The following INPPL1 variants were observed in gnomAD, a reference collection of about 807,000 sequenced individuals.
The protein encoded by INPPL1 is phosphatidylinositol 3,4,5-trisphosphate 5-phosphatase 2.
Under a neutral mutation model 139.3 loss-of-function variants are expected in INPPL1, and 91 were observed. The ratio of observed to expected loss-of-function variants is 0.65; its 90% CI spans 0.55 to 0.78. INPPL1 has a LOEUF of 0.78. INPPL1 is among the 30% of genes least tolerant of loss of function. The probability of loss-of-function intolerance (pLI) is 0.00; values close to 1 mark genes in which losing one functional copy is unlikely to be tolerated. For missense variants in INPPL1, 1,411 were observed against 1,665.6 expected, an observed-to-expected ratio of 0.85 and a Z score of 2.66; for synonymous variants, 719 against 686.6, an observed-to-expected ratio of 1.05 and a Z score of -0.74.
In INPPL1 at chr11:72,238,036, C is replaced by A; in HGVS notation, c.3553-6C>A. On this transcript the variant is annotated splice_region_variant and splice_polypyrimidine_tract_variant and intron_variant, in intron 26 of 27. Transcript: ENST00000298229. Reference sequence around the variant, plus strand: ...CAGCTCCCCCTGACATGCCCTGTTTCCTTAGGCTCCGTGCCTGCAGGGCGG... The same window carrying A: ...CAGCTCCCCCTGACATGCCCTGTTTACTTAGGCTCCGTGCCTGCAGGGCGG... The A allele has an allele frequency of 1.3e-6, 2 of 1,537,524 alleles. No homozygotes were observed. The highest frequency in any genetic ancestry group is 1.7e-6 in the Non-Finnish European group (2 of 1,144,356).
intron 1 of INPPL1, among the ~76,000 whole-genome samples, chr11:72,226,536 G>T (rs1948679398): frequency 6.6e-6 from 1 of 152,130 alleles, no homozygotes; most frequent in Non-Finnish European, 1.5e-5. Context: ...CTAGTGGGTA[G>T]AAGCCGGGGA....
intron 26 of INPPL1, 23 bp from the exon 27 acceptor site, chr11:72,238,019 C>G (rs777820912): frequency 1.3e-6 from 2 of 1,520,710 alleles, no homozygotes; most frequent in Non-Finnish European, 1.8e-6. Flanking sequence ...CTCAGCTCCC[C>G]CTGACATGCC....
rs567659192 is a variant in INPPL1 at position 72,235,359 on chromosome 11, T to A, written c.2567T>A (p.Leu856Gln). The change falls in exon 23 of 28, where the codon CTA becomes CAA. Residue 856 changes from leucine (L) to glutamine (Q), a missense_variant. Coordinates refer to ENST00000298229, the MANE Select transcript of INPPL1 (RefSeq NM_001567.4). The surrounding 1 kb of genome is among the most constrained non-coding windows in gnomAD (Gnocchi z 4.9). ...ACGGCCCAACAGTTCCTGACCTTCC[T>A]ATCCCACCGTGGCGAGGAGACAGGC... Reference protein sequence around the residue: ...GSTAQQFLTFLSHRGEETGNI... With the variant: ...GSTAQQFLTFQSHRGEETGNI... 6.2e-7 allele frequency: 1 copy of A among 1,614,078 alleles called. No individual in the cohort carries two copies. Among genetic ancestry groups the A allele is most frequent in the East Asian group, 2.2e-5 (1 of 44,880 alleles).
chr11:72,237,707 C>A lies in INPPL1; in HGVS notation c.3463C>A (p.Pro1155Thr). ...CCCAGGCCCCCTGGAGCTGCAGCCC[C>A]CCCGGGGACTGCCCTCGGACTATGG... ...LLPGPLELQP[P>T]RGLPSDYGRP... The change falls in exon 26 of 28, where the codon CCC (proline) becomes ACC (threonine). Residue 1155 changes from proline to threonine, a missense_variant. Transcript: ENST00000298229. 1 of 1,611,752 alleles carries A rather than the reference C, an allele frequency of 6.2e-7. No homozygotes were observed. The highest frequency in any genetic ancestry group is 1.7e-5 in the Admixed American group (1 of 59,860).
At position 72,228,867 on chromosome 11, in the gene INPPL1, C is replaced by T. The variant is rs772728657; in HGVS notation, c.518+20C>T. On this transcript the variant is annotated intron_variant, in intron 4 of 27. Coordinates refer to ENST00000298229, the MANE Select transcript of INPPL1 (RefSeq NM_001567.4). This position sits in a 1 kb window ranked among gnomAD's most constrained non-coding sequence, Gnocchi z 5.0. ...TGAGAGGTGAGACCCCCATCCCATC[C>T]ACTGAACAGGAGACCCTTTCTCCTC... 7 of 1,568,430 alleles carry T rather than the reference C, an allele frequency of 4.5e-6. No homozygotes were observed. Among genetic ancestry groups the T allele is most frequent in the African/African-American group, 1.4e-5 (1 of 73,302 alleles).
chr11:72,235,469 A>G lies in INPPL1; in HGVS notation c.2659+18A>G. On this transcript the variant is annotated intron_variant, in intron 23 of 27. Coordinates refer to ENST00000298229, the MANE Select transcript of INPPL1 (RefSeq NM_001567.4). The surrounding 1 kb of genome is among the most constrained non-coding windows in gnomAD (Gnocchi z 4.9). ...GCTCTACGGTGGGGACTCCACTGGG[A>G]CATGAGATAGGGTGGTGTGAACAGA... The G allele has an allele frequency of 4.3e-6, 7 of 1,609,378 alleles. No homozygotes were observed. The highest frequency in any genetic ancestry group is 5.9e-6 in the Non-Finnish European group (7 of 1,179,148).
At chr11:72,232,820 A>G (rs889380021) in intron 15 of INPPL1, 55 bp from the exon 16 acceptor site, 1 of 1,612,180 alleles carries the variant, frequency 6.2e-7, no homozygotes, top group African/African-American at 1.3e-5. Flanking sequence ...ATGGGCTATC[A>G]CCCCTGGCTC....
intron 14 of INPPL1, 127 bp from the exon 15 acceptor site, chr11:72,232,499 T>C: frequency 3.0e-6 from 4 of 1,320,948 alleles, no homozygotes; most frequent in Non-Finnish European, 4.2e-6. Flanking sequence ...ACCCTAACCT[T>C]GTCCCCAGGG....
In INPPL1 at chr11:72,229,901, C is replaced by T. The variant is rs199821926; in HGVS notation, c.844-23C>T. 63 of 1,610,228 alleles carry T rather than the reference C, an allele frequency of 3.9e-5. No individual in the cohort carries two copies. In the East Asian group the frequency reaches 6.7e-4, roughly 17 times the overall value. On this transcript the variant is annotated intron_variant, in intron 7 of 27. Transcript: ENST00000298229. The stretch of plus-strand genomic sequence containing the variant: ...CAGCCTTCAGTGTGTCCCCTGACCC[C>T]GCCCTGCCCTTGTTCCCTCCAGGCC...
chr11:72,226,666 A>T (rs1442235769), intron 1 of INPPL1, among the ~76,000 whole-genome samples: 1 of 152,220 alleles, frequency 6.6e-6, no homozygotes, highest in Non-Finnish European at 1.5e-5. Flanking sequence ...CCAACAAGGA[A>T]GGGGCCCTAT....
chr11:72,231,699 A>G, intron 13 of INPPL1, 84 bp downstream of exon 13: 1 of 961,452 alleles, frequency 1.0e-6, no homozygotes, highest in Admixed American at 1.8e-5. Flanking sequence ...GGATTGCCCC[A>G]TTTTTGGTGA....
chr11:72,233,328 G>A, intron 17 of INPPL1, 113 bp from the exon 18 acceptor site: 2 of 1,076,206 alleles, frequency 1.9e-6, no homozygotes, highest in Non-Finnish European at 2.8e-6. Flanking sequence ...AGGGAGGTGG[G>A]TGCTAGGGCC....
chr11:72,233,136 T>A lies in INPPL1; in HGVS notation c.2013T>A (p.Tyr671Ter). Residue 671 changes from tyrosine (Y) to a stop codon, truncating the protein, a stop_gained, in exon 17 of 28, where the codon TAT becomes TAA. Coordinates refer to ENST00000298229, the MANE Select transcript of INPPL1 (RefSeq NM_001567.4). LOFTEE classifies it high-confidence loss of function. ...ATGAGCGGGGTTCCCGGGACACATA[T>A]GCCTGGCACAAGCAGAAGCCAACTG... is the stretch of plus-strand genomic sequence containing the variant. ...YRYERGSRDT[Y>*]AWHKQKPTGV... The A allele has an allele frequency of 6.2e-7, 1 of 1,613,988 alleles. No individual in the cohort carries two copies. The highest frequency in any genetic ancestry group is 8.5e-7 in the Non-Finnish European group (1 of 1,179,974).
Position 72,235,848 on chromosome 11 carries a change from C to G in INPPL1, c.2741C>G (p.Ser914Ter). 1 of 1,612,222 alleles carries G rather than the reference C, an allele frequency of 6.2e-7. No individual in the cohort carries two copies. Among genetic ancestry groups the G allele is most frequent in the Non-Finnish European group, 8.5e-7 (1 of 1,179,202 alleles). Residue 914 changes from serine (S) to a stop codon, truncating the protein, a stop_gained and splice_region_variant, in exon 25 of 28, where the codon TCA becomes TGA. Transcript: ENST00000298229. LOFTEE classifies it high-confidence loss of function. This position sits in a 1 kb window ranked among gnomAD's most constrained non-coding sequence, Gnocchi z 4.9. The stretch of plus-strand genomic sequence containing the variant: ...TCTCTCCTGTGCATCCCTGGCAGGT[C>G]AGGGAGCCGCAAGCCAGCCTTCACA... ...SVSRGSQEPR[S>*]GSRKPAFTEA...
Position 72,234,518 on chromosome 11 carries a change from C to T in INPPL1, c.2327-9C>T. 2 of 1,603,908 alleles carry T rather than the reference C, an allele frequency of 1.2e-6. No homozygotes were observed. The highest frequency in any genetic ancestry group is 1.7e-6 in the Non-Finnish European group (2 of 1,170,888). On this transcript the variant is annotated splice_polypyrimidine_tract_variant and intron_variant, in intron 20 of 27. Coordinates refer to ENST00000298229, the MANE Select transcript of INPPL1 (RefSeq NM_001567.4). The surrounding 1 kb of genome is among the most constrained non-coding windows in gnomAD (Gnocchi z 4.2). Reference sequence around the variant, plus strand: ...GTGCTCAGTTGGGTGTCTCCCACCCCCACCCCAGAATACAAGAAGAGCTTT... The same window carrying T: ...GTGCTCAGTTGGGTGTCTCCCACCCTCACCCCAGAATACAAGAAGAGCTTT...
chr11:72,238,179 G>A lies in INPPL1; in HGVS notation c.3686+4G>A. On this transcript the variant is annotated splice_donor_region_variant and intron_variant, in intron 27 of 27. Coordinates refer to ENST00000298229, the MANE Select transcript of INPPL1 (RefSeq NM_001567.4). ...GGGACGACCTGGAGTTTCTCAGGTG[G>A]GGGAGGGGCTGGCCCCGGGGGCGGA... 1 of 1,607,928 alleles carries A rather than the reference G, an allele frequency of 6.2e-7. No individual in the cohort carries two copies.
rs1332777916 is a variant in INPPL1 at position 72,233,181 on chromosome 11, C to T, written c.2040+18C>T. 2.5e-6 allele frequency: 4 copies of T among 1,609,354 alleles called. No homozygotes were observed. The highest frequency in any genetic ancestry group is 2.7e-5 in the African/African-American group (2 of 74,816). ...CAACTGGGGTGAGCCAAGAAAACGGCATGGGCCTTGGGGGACCGCAGGCCT... is the reference window on the plus strand; with the variant it reads ...CAACTGGGGTGAGCCAAGAAAACGGTATGGGCCTTGGGGGACCGCAGGCCT... On this transcript the variant is annotated intron_variant, in intron 17 of 27. Transcript: ENST00000298229.
At position 72,233,209 on chromosome 11, in the gene INPPL1, G is replaced by A. The variant is rs376563069; in HGVS notation, c.2040+46G>A. 1.6e-5 allele frequency: 25 copies of A among 1,543,544 alleles called. No homozygotes were observed. The East Asian group carries it at 3.6e-4, about 23-fold the overall frequency. The stretch of plus-strand genomic sequence containing the variant: ...GGGCCTTGGGGGACCGCAGGCCTGC[G>A]ATGAATCAAGAATTTGGGTCAAGGG... On this transcript the variant is annotated intron_variant, in intron 17 of 27. Transcript: ENST00000298229.
chr11:72,224,984 C>T lies in INPPL1; in HGVS notation c.-1C>T, dbSNP rs1948626471. ...GGGCGGTGCTGAGCCCTGCGCGGGC[C>T]ATGGCCTCGGCCTGCGGGGCGCCGG... On this transcript the variant is annotated 5_prime_UTR_variant, in exon 1 of 28. Transcript: ENST00000298229. 8.5e-7 allele frequency: 1 copy of T among 1,171,474 alleles called. No individual in the cohort carries two copies. Among genetic ancestry groups the T allele is most frequent in the Non-Finnish European group, 1.1e-6 (1 of 949,366 alleles). The allele number at this position is 1,171,474 out of a possible 1,614,324, so 72.6% of individuals were successfully genotyped here.
Sources: gnomAD v4.1 joint callset for allele counts (sites outside exome capture counted in the v4.1 genomes callset) on GRCh38, gnomAD v4.1.1 for gene constraint, Gnocchi (gnomAD v3.1) non-coding constraint, MANE v1.5 for transcripts, NCBI Gene and HGNC (gene_info 2026-07-23, HGNC 2026-07-21) for gene names.